The following NRXN3 variants were observed in gnomAD, a reference collection of about 807,000 sequenced individuals.
NRXN3 encodes neurexin III.
A neutral mutation model predicts 137.6 loss-of-function variants in NRXN3; 32 were observed. The ratio of observed to expected loss-of-function variants is 0.23; its 90% CI spans 0.18 to 0.31. The LOEUF is 0.31. Among genes scored for constraint, NRXN3 ranks in the 10% least tolerant of loss-of-function variants. The pLI is 1.00. For synonymous variants in NRXN3, 798 were observed against 784.5 expected, an observed-to-expected ratio of 1.02 and a Z score of -0.29; for missense variants, 1,574 against 2,062.5, an observed-to-expected ratio of 0.76 and a Z score of 4.59.
intron 15 of NRXN3, among the ~76,000 whole-genome samples, chr14:79,179,844 T>TC (rs1193079044): frequency 2.6e-5 from 4 of 152,196 alleles, no homozygotes; most frequent in African/African-American, 9.6e-5. Flanking sequence ...TATGTCAAGA[T>TC]CCTGCACGGA....
At chr14:79,666,785 C>A (rs2098558955) in intron 17 of NRXN3, among the ~76,000 whole-genome samples, 1 of 152,066 alleles carries the variant, frequency 6.6e-6, no homozygotes, top group Non-Finnish European at 1.5e-5. Context: ...GTGTTGAGTT[C>A]AAAATCCTCA....
intron 15 of NRXN3, among the ~76,000 whole-genome samples, chr14:79,273,172 C>CAAAAAAAAAAAAAAAAAA (rs1163073631): frequency 1.4e-4 from 3 of 20,754 alleles, no homozygotes; most frequent in Admixed American, 5.9e-4. Context: ...ACTCTGTGGC[C>CAAAAAAAAAAAAAAAAAA]AAAAAAAAAA....
intron 4 of NRXN3, among the ~76,000 whole-genome samples, chr14:78,611,056 C>T (rs1358926276): frequency 2.0e-5 from 3 of 152,256 alleles, no homozygotes; most frequent in Non-Finnish European, 4.4e-5. Context: ...AGCATTTGCT[C>T]CCCCTCCACC....
chr14:78,653,366 C>A (rs2097761461), intron 6 of NRXN3, among the ~76,000 whole-genome samples: 1 of 152,170 alleles, frequency 6.6e-6, no homozygotes, highest in South Asian at 2.1e-4. Context: ...GCACTCTCAT[C>A]AGAAAAAGAC....
intron 15 of NRXN3, among the ~76,000 whole-genome samples, chr14:79,395,190 A>G (rs538068333): frequency 6.6e-6 from 1 of 152,272 alleles, no homozygotes; most frequent in South Asian, 2.1e-4. Flanking sequence ...AAAGATATCT[A>G]CTGTTCTGCC....
intron 4 of NRXN3, among the ~76,000 whole-genome samples, chr14:78,401,127 C>T (rs1325200444): frequency 6.6e-6 from 1 of 152,132 alleles, no homozygotes; most frequent in Non-Finnish European, 1.5e-5. Flanking sequence ...TTAGTTCCCT[C>T]CAGTCATTTT....
At chr14:78,981,016 G>T (rs1020781616) in intron 14 of NRXN3, among the ~76,000 whole-genome samples, 8 of 152,034 alleles carry the variant, frequency 5.3e-5, no homozygotes, top group Admixed American at 2.6e-4. Flanking sequence ...GATAAAAAAA[G>T]ACTTCATAAA....
In NRXN3 at chr14:79,057,488, C is replaced by T. The variant is rs192707650; in HGVS notation, c.3262+69347C>T. Among the ~76,000 whole-genome samples the T allele has an allele frequency of 9.2e-5, 14 of 152,120 alleles. 1 individual carries two copies. The highest frequency in any genetic ancestry group is 9.2e-4 in the Admixed American group (14 of 15,282). The stretch of plus-strand genomic sequence containing the variant: ...CACTATAAACAAAATGGTTTAGGAA[C>T]CAGTGTAGAGAGCAGGAGCCAAAGA... On this transcript the variant is annotated intron_variant, in intron 15 of 20. Transcript: ENST00000335750.
In NRXN3 at chr14:78,681,165, C is replaced by T. The variant is rs144654583; in HGVS notation, c.1222-28052C>T. ...TCTTATGTGCTTGGGGCTTATGTCA[C>T]ATTCTAAAATAATTGACATTGACAA... On this transcript the variant is annotated intron_variant, in intron 6 of 20. Coordinates refer to ENST00000335750, the MANE Select transcript of NRXN3 (RefSeq NM_001330195.2). Among the ~76,000 whole-genome samples, 35 of 152,276 alleles carry T rather than the reference C, an allele frequency of 2.3e-4. No homozygotes were observed. In the East Asian group the frequency reaches 6.4e-3, roughly 28 times the overall value.
At chr14:78,569,542 G>A (rs1319684493) in intron 4 of NRXN3, among the ~76,000 whole-genome samples, 2 of 149,394 alleles carry the variant, frequency 1.3e-5, no homozygotes, top group Admixed American at 1.4e-4. Flanking sequence ...TGGGATTACA[G>A]GGGTGAGCCA....
chr14:79,657,833 C>G (rs1197129943), intron 16 of NRXN3, among the ~76,000 whole-genome samples: 1 of 152,052 alleles, frequency 6.6e-6, no homozygotes, highest in Non-Finnish European at 1.5e-5. Flanking sequence ...ATTTATTGCA[C>G]GAAATTTGAA....
chr14:79,544,931 G>A (rs2097305253), intron 16 of NRXN3, among the ~76,000 whole-genome samples: 1 of 152,150 alleles, frequency 6.6e-6, no homozygotes, highest in Non-Finnish European at 1.5e-5. Context: ...TGGAAGAGGG[G>A]AAAGCTCAGA....
At chr14:79,490,386 C>T (rs1373387425) in intron 16 of NRXN3, among the ~76,000 whole-genome samples, 1 of 152,086 alleles carries the variant, frequency 6.6e-6, no homozygotes, top group Non-Finnish European at 1.5e-5. Flanking sequence ...CAGCACTTTT[C>T]ACAATAGCTA....
intron 8 of NRXN3, among the ~76,000 whole-genome samples, chr14:78,732,108 G>A (rs1056456259): frequency 6.6e-6 from 1 of 152,138 alleles, no homozygotes; most frequent in Non-Finnish European, 1.5e-5. Flanking sequence ...AGGCTACCCA[G>A]GGGATATTCT....
At chr14:78,214,626 T>C (rs893264390) in intron 1 of NRXN3, among the ~76,000 whole-genome samples, 2 of 152,074 alleles carry the variant, frequency 1.3e-5, no homozygotes, top group Non-Finnish European at 1.5e-5. Flanking sequence ...GGATATTCGA[T>C]CAGTAAAAAG....
intron 15 of NRXN3, among the ~76,000 whole-genome samples, chr14:79,385,375 C>A: frequency 6.6e-6 from 1 of 151,684 alleles, no homozygotes; most frequent in African/African-American, 2.4e-5. Flanking sequence ...CATGTCCCTA[C>A]AAAGGACATG....
intron 15 of NRXN3, among the ~76,000 whole-genome samples, chr14:79,188,731 T>G (rs1395796969): frequency 6.6e-6 from 1 of 152,180 alleles, no homozygotes; most frequent in Non-Finnish European, 1.5e-5. Flanking sequence ...GGGAAGGACA[T>G]GAACAGACAC....
intron 16 of NRXN3, among the ~76,000 whole-genome samples, chr14:79,654,854 A>G (rs8006556): frequency 0.11 from 17,426 of 152,220 alleles, 1,100 homozygotes; most frequent in Middle Eastern, 0.25. Context: ...ATGTAGGTCC[A>G]TTTACCTTGA....
intron 15 of NRXN3, among the ~76,000 whole-genome samples, chr14:79,398,586 T>C (rs2095094820): frequency 6.6e-6 from 1 of 152,140 alleles, no homozygotes; most frequent in African/African-American, 2.4e-5. Context: ...TGGGCAATCA[T>C]ATTTCTAGCA....
Sources: allele counts gnomAD v4.1 joint callset (sites outside exome capture counted in the v4.1 genomes callset), GRCh38; gene constraint gnomAD v4.1.1; transcripts MANE v1.5; gene names NCBI Gene and HGNC (gene_info 2026-07-23, HGNC 2026-07-21).